The following ZIC2 variants were observed in gnomAD, a reference collection of about 807,000 sequenced individuals.
ZIC2 encodes the protein zinc finger protein ZIC 2.
A neutral mutation model predicts 29.5 loss-of-function variants in ZIC2; 7 were observed. That is an observed-to-expected ratio of 0.24 (90% CI 0.14 to 0.45). The LOEUF is 0.45. Among genes scored for constraint, ZIC2 ranks in the 20% least tolerant of loss-of-function variants. The pLI is 1.00. For synonymous variants in ZIC2, 408 were observed against 354.2 expected (o/e 1.15, Z -1.70); for missense variants, 589 against 781.2 (o/e 0.75, Z 2.93).
chr13:99,983,195 G>C lies in ZIC2; in HGVS notation c.1075+56G>C. 1 of 1,585,924 alleles carries C rather than the reference G, an allele frequency of 6.3e-7. No homozygotes were observed. The highest frequency in any genetic ancestry group is 8.6e-7 in the Non-Finnish European group (1 of 1,167,414). ...CGGAGGGGAGACACGCACAGGCTGA[G>C]ACTCAGGCTGTGGGTGCCGACGCTG... On this transcript the variant is annotated intron_variant, in intron 1 of 2. Coordinates refer to ENST00000376335, the MANE Select transcript of ZIC2 (RefSeq NM_007129.5). The surrounding 1 kb of genome is among the most constrained non-coding windows in gnomAD (Gnocchi z 4.7).
rs1462688752 is a variant in ZIC2, at chr13:99,984,838, C to T, written c.1076-108C>T. The T allele has an allele frequency of 5.0e-6, 7 of 1,405,718 alleles. No individual in the cohort carries two copies. In the Admixed American group the frequency reaches 9.3e-5, roughly 19 times the overall value. The allele number at this position is 1,405,718 out of a possible 1,614,324, so 87.1% of individuals were successfully genotyped here. Reference sequence around the variant, plus strand: ...GATCGGACTGGTTTGAGGGACCCAGCCCCCTCAGGTCCTTCTCCCTCGCCG... The same window carrying T: ...GATCGGACTGGTTTGAGGGACCCAGTCCCCTCAGGTCCTTCTCCCTCGCCG... On this transcript the variant is annotated intron_variant, in intron 1 of 2. Transcript: ENST00000376335.
rs2053237590 is a variant in ZIC2, at chr13:99,982,211, C to G, written c.147C>G (p.Phe49Leu). The G allele has an allele frequency of 1.3e-6, 2 of 1,508,216 alleles. No homozygotes were observed. The highest frequency in any genetic ancestry group is 2.9e-5 in the African/African-American group (2 of 69,310). The allele number at this position is 1,508,216 out of a possible 1,614,324, so 93.4% of individuals were successfully genotyped here. The change falls in exon 1 of 3, where the codon TTC becomes TTG. Residue 49 changes from phenylalanine to leucine, a missense_variant. Physicochemically the swap from Phe to Leu is conservative, Grantham distance 22. This residue lies in a region of ZIC2 where 358 missense variants were observed against 382.0 expected (regional missense o/e 0.94). Transcript: ENST00000376335. Reference protein sequence around the residue: ...ELSLAAAQNGFVDSAAAHMGA... With the variant: ...ELSLAAAQNGLVDSAAAHMGA... ...GCCTGGCGGCGGCGCAGAACGGCTT[C>G]GTTGACTCCGCCGCCGCGCACATGG... is the stretch of plus-strand genomic sequence containing the variant.
At position 99,983,263 on chromosome 13, in the gene ZIC2, T is replaced by G; in HGVS notation, c.1075+124T>G. 2.3e-6 allele frequency: 3 copies of G among 1,316,608 alleles called. No individual in the cohort carries two copies. Among genetic ancestry groups the G allele is most frequent in the Non-Finnish European group, 3.1e-6 (3 of 972,724 alleles). 81.6% of individuals were successfully genotyped at this position (1,316,608 alleles called of 1,614,324 possible). On this transcript the variant is annotated intron_variant, in intron 1 of 2. Transcript: ENST00000376335. The surrounding 1 kb of genome is among the most constrained non-coding windows in gnomAD (Gnocchi z 4.7). The stretch of plus-strand genomic sequence containing the variant: ...GGGGACCTGGGATGGGAGGTGTTTT[T>G]GCGTGTACGAAAGAGCCAGCAGCTT...
At position 99,982,361 on chromosome 13, in the gene ZIC2, G is replaced by A. The variant is rs912113781; in HGVS notation, c.297G>A (p.Gly99=). ...CTGCCGCTGCGGCCGCAGCGCTCGG[G>A]CCCCACGCCGCGCACGTTGGCTCCT... is the stretch of plus-strand genomic sequence containing the variant. ...AAAAAAAAAL[G]PHAAHVGSYS... The change falls in exon 1 of 3, where the codon GGG becomes GGA. Residue 99 remains glycine, a synonymous_variant. Coordinates refer to ENST00000376335, the MANE Select transcript of ZIC2 (RefSeq NM_007129.5). 15 of 1,476,454 alleles carry A rather than the reference G, an allele frequency of 1.0e-5. No individual in the cohort carries two copies. In the Admixed American group the frequency reaches 1.8e-4, roughly 18 times the overall value. The allele number at this position is 1,476,454 out of a possible 1,614,324, so 91.5% of individuals were successfully genotyped here.
chr13:99,981,864 C>T lies in ZIC2; in HGVS notation c.-201C>T, dbSNP rs1289463559. 1.8e-6 allele frequency: 2 copies of T among 1,121,636 alleles called. No individual in the cohort carries two copies. Among genetic ancestry groups the T allele is most frequent in the Non-Finnish European group, 2.4e-6 (2 of 841,872 alleles). The allele number at this position is 1,121,636 out of a possible 1,614,324, so 69.5% of individuals were successfully genotyped here. On this transcript the variant is annotated 5_prime_UTR_variant, in exon 1 of 3. It adds an upstream start codon to the 5' untranslated region. Coordinates refer to ENST00000376335, the MANE Select transcript of ZIC2 (RefSeq NM_007129.5). The stretch of plus-strand genomic sequence containing the variant: ...CCTCTTCCTCTCCGCGCCTTCGCTA[C>T]GCGCCCGGCCGCCCGAGGCAGATCC...
rs34544768 is a variant in ZIC2 at position 99,985,836 on chromosome 13, G to GTTTT, written c.*167_*170dup. 1,243 of 185,876 alleles carry GTTTT rather than the reference G, an allele frequency of 6.7e-3. 11 individuals are homozygous for GTTTT. Among genetic ancestry groups the GTTTT allele is most frequent in the Middle Eastern group, 0.011 (5 of 472 alleles). 11.5% of individuals were successfully genotyped at this position (185,876 alleles called of 1,614,324 possible). On this transcript the variant is annotated 3_prime_UTR_variant, in exon 3 of 3. Transcript: ENST00000376335. The surrounding 1 kb of genome is among the most constrained non-coding windows in gnomAD (Gnocchi z 6.3). ...TTTACCAGCAGAAGGATTTTTTAAA[G>GTTTT]TTTTTTTTTTTTTTTTAATAATAAT...
At position 99,982,472 on chromosome 13, in the gene ZIC2, C is replaced by T; in HGVS notation, c.408C>T (p.His136=). ...ACTCGGCGCCGGGCGGCGGGCAGCA[C>T]GGGCTGTTCGGGCCGGGCGCGGGCG... ...FGDSAPGGGQ[H]GLFGPGAGGL... Residue 136 remains histidine (H), a synonymous_variant, in exon 1 of 3, where the codon CAC becomes CAT. Transcript: ENST00000376335. 1 of 1,448,422 alleles carries T rather than the reference C, an allele frequency of 6.9e-7. No homozygotes were observed. Among genetic ancestry groups the T allele is most frequent in the Non-Finnish European group, 9.0e-7 (1 of 1,108,324 alleles). The allele number at this position is 1,448,422 out of a possible 1,614,324, so 89.7% of individuals were successfully genotyped here.
At position 99,982,428 on chromosome 13, in the gene ZIC2, C is replaced by A; in HGVS notation, c.364C>A (p.Arg122Ser). The change falls in exon 1 of 3, where the codon CGC becomes AGC. Residue 122 changes from arginine to serine, a missense_variant. Physicochemically the swap from Arg to Ser is moderately radical, Grantham distance 110. Coordinates refer to ENST00000376335, the MANE Select transcript of ZIC2 (RefSeq NM_007129.5). ...PFNSTRDFLF[R>S]SRGFGDSAPG... is the part of the protein sequence containing the mutation. Reference sequence around the variant, plus strand: ...CAACTCCACCCGGGACTTCCTGTTCCGCAGCCGCGGCTTCGGGGACTCGGC... The same window carrying A: ...CAACTCCACCCGGGACTTCCTGTTCAGCAGCCGCGGCTTCGGGGACTCGGC... 6.9e-7 allele frequency: 1 copy of A among 1,454,672 alleles called. No homozygotes were observed. The highest frequency in any genetic ancestry group is 9.0e-7 in the Non-Finnish European group (1 of 1,108,834). 90.1% of individuals were successfully genotyped at this position (1,454,672 alleles called of 1,614,324 possible).
In ZIC2 at chr13:99,985,208, CCAGGGCGGCGGGGGGAA is replaced by C; in HGVS notation, c.1239+102_1240-96del. On this transcript the variant is annotated intron_variant, in intron 2 of 2. Transcript: ENST00000376335. This position sits in a 1 kb window ranked among gnomAD's most constrained non-coding sequence, Gnocchi z 6.3. The stretch of plus-strand genomic sequence containing the variant: ...GCCGGCCTGGGAGGGTCCCCAGGGG[CCAGGGCGGCGGGGGGAA>C]CATTTCTGGGGGTGCTCTCCCCCAG... The C allele has an allele frequency of 1.2e-6, 2 of 1,604,024 alleles. No individual in the cohort carries two copies. The highest frequency in any genetic ancestry group is 2.2e-5 in the South Asian group (2 of 90,678).
At position 99,985,287 on chromosome 13, in the gene ZIC2, C is replaced by A. The variant is rs746882309; in HGVS notation, c.1240-36C>A. The A allele has an allele frequency of 6.3e-7, 1 of 1,599,444 alleles. No homozygotes were observed. The highest frequency in any genetic ancestry group is 8.5e-7 in the Non-Finnish European group (1 of 1,179,232). Reference sequence around the variant, plus strand: ...CACAGCAGCTGCACTCACACCCAGTCCCCTCTGGTCCCCCCTCCCGGCTTT... The same window carrying A: ...CACAGCAGCTGCACTCACACCCAGTACCCTCTGGTCCCCCCTCCCGGCTTT... On this transcript the variant is annotated intron_variant, in intron 2 of 2. Coordinates refer to ENST00000376335, the MANE Select transcript of ZIC2 (RefSeq NM_007129.5). This position sits in a 1 kb window ranked among gnomAD's most constrained non-coding sequence, Gnocchi z 6.3.
Position 99,981,933 on chromosome 13 carries a change from G to A in ZIC2, c.-132G>A. On this transcript the variant is annotated 5_prime_UTR_variant, in exon 1 of 3. Coordinates refer to ENST00000376335, the MANE Select transcript of ZIC2 (RefSeq NM_007129.5). ...CGGGCGCAGGAGAGCGGCTCCCAGGGCTGAAGTGGCCGCCACCACCGCCGC... is the reference window on the plus strand; with the variant it reads ...CGGGCGCAGGAGAGCGGCTCCCAGGACTGAAGTGGCCGCCACCACCGCCGC... The A allele has an allele frequency of 1.7e-6, 2 of 1,177,256 alleles. No homozygotes were observed. Among genetic ancestry groups the A allele is most frequent in the Non-Finnish European group, 2.1e-6 (2 of 954,792 alleles). 72.9% of individuals were successfully genotyped at this position (1,177,256 alleles called of 1,614,324 possible).
In ZIC2 at chr13:99,986,289, C is replaced by G. The variant is rs1278120986; in HGVS notation, c.*607C>G. 3.3e-6 allele frequency: 1 copy of G among 302,960 alleles called. No homozygotes were observed. The highest frequency in any genetic ancestry group is 2.2e-5 in the African/African-American group (1 of 45,656). 18.8% of individuals were successfully genotyped at this position (302,960 alleles called of 1,614,324 possible). A position where few individuals can be genotyped will look rare whatever the true frequency, so the allele number is the denominator to read the frequency against. ...TATGAGGCAACCTGATTGTAAACTT[C>G]ATGTAACTATAGACTGGAAAAAATG... On this transcript the variant is annotated 3_prime_UTR_variant, in exon 3 of 3. Coordinates refer to ENST00000376335, the MANE Select transcript of ZIC2 (RefSeq NM_007129.5).
In ZIC2 at chr13:99,983,015, A is replaced by G. The variant is rs1402919558; in HGVS notation, c.951A>G (p.Lys317=). ...CPREGKPFKA[K]YKLVNHIRVH... ...GCGAGGGCAAGCCCTTCAAGGCCAAATACAAACTGGTCAACCACATCCGCG... is the reference window on the plus strand; with the variant it reads ...GCGAGGGCAAGCCCTTCAAGGCCAAGTACAAACTGGTCAACCACATCCGCG... Residue 317 remains lysine (K), a synonymous_variant, in exon 1 of 3, where the codon AAA becomes AAG. Transcript: ENST00000376335. The surrounding 1 kb of genome is among the most constrained non-coding windows in gnomAD (Gnocchi z 4.7). The G allele has an allele frequency of 6.2e-7, 1 of 1,614,078 alleles. No individual in the cohort carries two copies. The highest frequency in any genetic ancestry group is 8.5e-7 in the Non-Finnish European group (1 of 1,180,008).
In ZIC2 at chr13:99,985,461, G is replaced by A; in HGVS notation, c.1378G>A (p.Ala460Thr). Residue 460 changes from alanine (A) to threonine (T), a missense_variant, in exon 3 of 3, where the codon GCG (alanine) becomes ACG (threonine). This residue lies in a region of ZIC2 where 135 missense variants were observed against 136.7 expected (regional missense o/e 0.99). Coordinates refer to ENST00000376335, the MANE Select transcript of ZIC2 (RefSeq NM_007129.5). This position sits in a 1 kb window ranked among gnomAD's most constrained non-coding sequence, Gnocchi z 6.3. ...CAACCTGTCCCCAGCGGCGGCGGCA[G>A]CGGCGGCGGCGGCTGCGGCGGCGGC... Reference protein sequence around the residue: ...SSNLSPAAAAAAAAAAAAAAA... With the variant: ...SSNLSPAAAATAAAAAAAAAA... The A allele has an allele frequency of 1.5e-6, 2 of 1,308,716 alleles. No individual in the cohort carries two copies. Among genetic ancestry groups the A allele is most frequent in the Admixed American group, 3.5e-5 (1 of 28,702 alleles). The allele number at this position is 1,308,716 out of a possible 1,614,324, so 81.1% of individuals were successfully genotyped here.
At position 99,986,248 on chromosome 13, in the gene ZIC2, AT is replaced by A. The variant is rs2053269121; in HGVS notation, c.*567del. 6.4e-6 allele frequency: 2 copies of A among 311,950 alleles called. No individual in the cohort carries two copies. The highest frequency in any genetic ancestry group is 6.3e-6 in the Non-Finnish European group (1 of 159,704). The allele number at this position is 311,950 out of a possible 1,614,324, so 19.3% of individuals were successfully genotyped here. ...GGTTTATTTTGTATTGTGGTATTGA[AT>A]ATTGTGTTCCTTTTTATGAGGCAAC... On this transcript the variant is annotated 3_prime_UTR_variant, in exon 3 of 3. Coordinates refer to ENST00000376335, the MANE Select transcript of ZIC2 (RefSeq NM_007129.5).
At position 99,982,231 on chromosome 13, in the gene ZIC2, A is replaced by C; in HGVS notation, c.167A>C (p.His56Pro). 6.6e-7 allele frequency: 1 copy of C among 1,509,218 alleles called. No homozygotes were observed. Among genetic ancestry groups the C allele is most frequent in the Non-Finnish European group, 8.8e-7 (1 of 1,135,176 alleles). The allele number at this position is 1,509,218 out of a possible 1,614,324, so 93.5% of individuals were successfully genotyped here. A position where few individuals can be genotyped will look rare whatever the true frequency, so the allele number is the denominator to read the frequency against. Residue 56 changes from histidine to proline, a missense_variant, in exon 1 of 3, where the codon CAC (histidine) becomes CCC (proline). This residue lies in a region of ZIC2 where 358 missense variants were observed against 382.0 expected (regional missense o/e 0.94). Transcript: ENST00000376335. The stretch of plus-strand genomic sequence containing the variant: ...GGCTTCGTTGACTCCGCCGCCGCGC[A>C]CATGGGAGCCTTCAAGCTCAACCCG... ...QNGFVDSAAA[H>P]MGAFKLNPGA...
Position 99,982,042 on chromosome 13 carries a change from A to G in ZIC2, c.-23A>G, listed in dbSNP as rs917138002. 3 of 1,225,146 alleles carry G rather than the reference A, an allele frequency of 2.4e-6. No individual in the cohort carries two copies. The highest frequency in any genetic ancestry group is 3.2e-5 in the African/African-American group (2 of 63,414). 75.9% of individuals were successfully genotyped at this position (1,225,146 alleles called of 1,614,324 possible). On this transcript the variant is annotated 5_prime_UTR_variant, in exon 1 of 3. Coordinates refer to ENST00000376335, the MANE Select transcript of ZIC2 (RefSeq NM_007129.5). ...GGCGGCGCGGAGGCGCAGGGCTCGC[A>G]GGGGCGGGCGGGCGCGCTGGCCATG...
rs2053272290 is a variant in ZIC2, at chr13:99,986,706, T to G, written c.*1024T>G. 1 of 152,686 alleles carries G rather than the reference T, an allele frequency of 6.5e-6. No individual in the cohort carries two copies. Among genetic ancestry groups the G allele is most frequent in the Non-Finnish European group, 1.5e-5 (1 of 68,052 alleles). 9.5% of individuals were successfully genotyped at this position (152,686 alleles called of 1,614,324 possible). A position where few individuals can be genotyped will look rare whatever the true frequency, so the allele number is the denominator to read the frequency against. ...TGAAGGTTTTAAGTGGTTTGATCATTTCTTGTGATGTTTTGAGAGTAATGC... is the reference window on the plus strand; with the variant it reads ...TGAAGGTTTTAAGTGGTTTGATCATGTCTTGTGATGTTTTGAGAGTAATGC... On this transcript the variant is annotated 3_prime_UTR_variant, in exon 3 of 3. Coordinates refer to ENST00000376335, the MANE Select transcript of ZIC2 (RefSeq NM_007129.5).
chr13:99,981,908 C>G lies in ZIC2; in HGVS notation c.-157C>G, dbSNP rs1937029382. On this transcript the variant is annotated 5_prime_UTR_variant, in exon 1 of 3. Transcript: ENST00000376335. ...CAGATCCAGGCGGCGGCGGAGGCGG[C>G]GGGCGCAGGAGAGCGGCTCCCAGGG... 8.0e-7 allele frequency: 1 copy of G among 1,242,576 alleles called. No homozygotes were observed. Among genetic ancestry groups the G allele is most frequent in the South Asian group, 1.8e-5 (1 of 54,062 alleles). 77.0% of individuals were successfully genotyped at this position (1,242,576 alleles called of 1,614,324 possible).
Sources: gnomAD v4.1 joint callset for allele counts on GRCh38, gnomAD v4.1.1 for gene constraint, gnomAD v4.1.1 regional missense constraint, Gnocchi (gnomAD v3.1) non-coding constraint, MANE v1.5 for transcripts, NCBI Gene and HGNC (gene_info 2026-07-23, HGNC 2026-07-21) for gene names.